Variants in FAM227A observed in about 807,000 individuals in gnomAD.
FAM227A encodes protein FAM227A.
In FAM227A, 80 loss-of-function variants were observed where a neutral mutation model predicts 74.7. The ratio of observed to expected loss-of-function variants is 1.07; its 90% CI spans 0.89 to 1.29. FAM227A has a LOEUF of 1.29. Ranked by LOEUF, FAM227A falls within the 50% of genes most tolerant of loss-of-function variation. The pLI, the probability that FAM227A is intolerant of heterozygous loss-of-function variation, is 0.00. For missense variants in FAM227A, 654 were observed against 683.4 expected (o/e 0.96, Z 0.48); for synonymous variants, 237 against 241.8 (o/e 0.98, Z 0.19).
chr22:38,613,165 G>T (rs1396480714), intron 11 of FAM227A, among the ~76,000 whole-genome samples: 19 of 64,076 alleles, frequency 3.0e-4, no homozygotes, highest in Admixed American at 6.0e-4. Context: ...ATATATCTAT[G>T]CTGTATATAT....
intron 8 of FAM227A, 108 bp downstream of exon 8, chr22:38,628,130 A>C (rs2091847348): frequency 1.4e-6 from 1 of 707,920 alleles, no homozygotes; most frequent in Non-Finnish European, 2.5e-6. Context: ...GATTATGACA[A>C]TTTACTAATT....
At chr22:38,593,194 A>G (rs2090974327) in intron 15 of FAM227A, among the ~76,000 whole-genome samples, 1 of 152,246 alleles carries the variant, frequency 6.6e-6, no homozygotes, top group African/African-American at 2.4e-5. Context: ...TGTTGGGACA[A>G]TGAACTACAG....
intron 10 of FAM227A, among the ~76,000 whole-genome samples, chr22:38,620,940 TAAG>T (rs1272510896): frequency 6.6e-6 from 1 of 152,190 alleles, no homozygotes; most frequent in Non-Finnish European, 1.5e-5. Context: ...CTTAAATGCT[TAAG>T]AAACAATCTA....
chr22:38,639,531 G>A, intron 4 of FAM227A, 124 bp downstream of exon 4: 1 of 949,504 alleles, frequency 1.1e-6, no homozygotes, highest in Non-Finnish European at 1.7e-6. Context: ...CAGATTTAAG[G>A]CTCCTTCAGA....
intron 3 of FAM227A, among the ~76,000 whole-genome samples, chr22:38,641,977 GCA>G (rs1311019339): frequency 3.6e-4 from 51 of 143,270 alleles, no homozygotes; most frequent in African/African-American, 1.1e-3. Context: ...GTGTGTGTGC[GCA>G]CGTGTGTGTG....
In FAM227A at chr22:38,606,037, G is replaced by A. The variant is rs531978121; in HGVS notation, c.1127-689C>T. ...CAGGGCTAGACTAACAGACAAAATT[G>A]CTAACATACCTCTCCTACAATCCAG... On this transcript the variant is annotated intron_variant, in intron 12 of 16. Coordinates refer to ENST00000535113, the MANE Select transcript of FAM227A (RefSeq NM_001013647.2). 2.4e-4 allele frequency among the ~76,000 whole-genome samples: 37 copies of A among 152,242 alleles called. No individual in the cohort carries two copies. The South Asian group carries it at 7.7e-3, about 32-fold the overall frequency.
intron 13 of FAM227A, among the ~76,000 whole-genome samples, chr22:38,604,051 G>T (rs1407788479): frequency 6.6e-6 from 1 of 152,094 alleles, no homozygotes; most frequent in Non-Finnish European, 1.5e-5. Flanking sequence ...ATTAGCCCAG[G>T]GGTGGTGGCT....
At chr22:38,621,407 A>T (rs1043836230) in intron 10 of FAM227A, among the ~76,000 whole-genome samples, 1 of 150,606 alleles carries the variant, frequency 6.6e-6, no homozygotes, top group African/African-American at 2.4e-5. Flanking sequence ...AAACTCCCTG[A>T]GTGTGCATGA....
rs2090754433 is a variant in FAM227A at position 38,583,926 on chromosome 22, T to A, written c.*2199A>T. ...TCTGCACCATTTCTTTCCTCTTGGC[T>A]GTGACAGGTGAACTGTTCTAGCACA... On this transcript the variant is annotated 3_prime_UTR_variant, in exon 17 of 17. Coordinates refer to ENST00000535113, the MANE Select transcript of FAM227A (RefSeq NM_001013647.2). The A allele has an allele frequency of 1.3e-5, 2 of 152,282 alleles. No individual in the cohort carries two copies. 9.4% of individuals were successfully genotyped at this position (152,282 alleles called of 1,614,324 possible).
intron 13 of FAM227A, among the ~76,000 whole-genome samples, chr22:38,604,905 G>A (rs979631193): frequency 1.4e-4 from 22 of 152,002 alleles, no homozygotes; most frequent in Admixed American, 1.2e-3. Context: ...CACCTGCGTC[G>A]GCCTCCCAAA....
chr22:38,580,918 C>T lies in FAM227A; in HGVS notation c.*5207G>A, dbSNP rs1163006525. ...CTCGGCCTCCCGAATAGCTAGGATT[C>T]CAGGCATGCACCACCACGCCTGGCT... On this transcript the variant is annotated 3_prime_UTR_variant, in exon 17 of 17. Coordinates refer to ENST00000535113, the MANE Select transcript of FAM227A (RefSeq NM_001013647.2). 2 of 152,080 alleles carry T rather than the reference C, an allele frequency of 1.3e-5. No individual in the cohort carries two copies. The highest frequency in any genetic ancestry group is 2.9e-5 in the Non-Finnish European group (2 of 68,058). 9.4% of individuals were successfully genotyped at this position (152,080 alleles called of 1,614,324 possible).
Position 38,628,827 on chromosome 22 carries a change from T to C in FAM227A, c.621+7A>G, listed in dbSNP as rs1320665306. 4 of 1,457,686 alleles carry C rather than the reference T, an allele frequency of 2.7e-6. No individual in the cohort carries two copies. The highest frequency in any genetic ancestry group is 1.4e-5 in the African/African-American group (1 of 70,786). 90.3% of individuals were successfully genotyped at this position (1,457,686 alleles called of 1,614,324 possible). A position where few individuals can be genotyped will look rare whatever the true frequency, so the allele number is the denominator to read the frequency against. Reference sequence around the variant, plus strand: ...CAAGGCAGAGAAACAAGCAGATTTGTATTTACCTGGTACCTCTCATGAAAT... The same window carrying C: ...CAAGGCAGAGAAACAAGCAGATTTGCATTTACCTGGTACCTCTCATGAAAT... On this transcript the variant is annotated splice_region_variant and intron_variant, in intron 7 of 16. Coordinates refer to ENST00000535113, the MANE Select transcript of FAM227A (RefSeq NM_001013647.2).
At chr22:38,655,507 CTCTG>C (rs1337490344) in intron 1 of FAM227A, among the ~76,000 whole-genome samples, 2 of 150,856 alleles carry the variant, frequency 1.3e-5, no homozygotes, top group African/African-American at 2.4e-5. Flanking sequence ...CAGAGTGAGA[CTCTG>C]TCTTAAAAAA....
intron 16 of FAM227A, 80 bp downstream of exon 16, chr22:38,591,355 T>G (rs1323424870): frequency 3.4e-6 from 5 of 1,492,186 alleles, no homozygotes; most frequent in Non-Finnish European, 3.6e-6. Flanking sequence ...TAATTATTAT[T>G]CTTACATGTT....
chr22:38,612,331 C>A (rs923601412), intron 11 of FAM227A, among the ~76,000 whole-genome samples: 1 of 152,210 alleles, frequency 6.6e-6, no homozygotes. Flanking sequence ...TCCCAGCCTT[C>A]GCTTGTGCTT....
At chr22:38,632,070 T>G (rs1158121050) in intron 6 of FAM227A, among the ~76,000 whole-genome samples, 1 of 151,988 alleles carries the variant, frequency 6.6e-6, no homozygotes, top group Non-Finnish European at 1.5e-5. Flanking sequence ...AGCTGTGTTT[T>G]CAACAAGACG....
chr22:38,645,091 T>C (rs1485644054), intron 3 of FAM227A, among the ~76,000 whole-genome samples: 1 of 61,104 alleles, frequency 1.6e-5, no homozygotes, highest in Non-Finnish European at 3.4e-5. Context: ...GTCTCAAAAA[T>C]AAATAAATAA....
chr22:38,613,424 T>TATATAATTATATATTATATA (rs71197123), intron 11 of FAM227A, among the ~76,000 whole-genome samples: 2 of 113,524 alleles, frequency 1.8e-5, no homozygotes, highest in Admixed American at 1.3e-4. Context: ...ATATATATAA[T>TATATAATTATATATTATATA]TTGTTTGTTT....
At chr22:38,639,553 AC>A (rs2145670141) in intron 4 of FAM227A, 101 bp downstream of exon 4, 2 of 1,116,566 alleles carry the variant, frequency 1.8e-6, no homozygotes, top group Non-Finnish European at 2.7e-6. Flanking sequence ...GAAGACAGAA[AC>A]ATCCTCATCT....
Sources: allele counts gnomAD v4.1 joint callset (sites outside exome capture counted in the v4.1 genomes callset), GRCh38; gene constraint gnomAD v4.1.1; transcripts MANE v1.5; gene names NCBI Gene and HGNC (gene_info 2026-07-23, HGNC 2026-07-21).